Variants in GRM8 observed in about 807,000 individuals in gnomAD.
GRM8 encodes the protein metabotropic glutamate receptor 8.
Under a neutral mutation model 87.2 loss-of-function variants are expected in GRM8, and 47 were observed. The observed-to-expected ratio is 0.54, with a 90% CI of 0.43 to 0.69. The LOEUF (loss-of-function observed/expected upper bound fraction) is 0.69, where lower values mean the gene tolerates loss of function less well. GRM8 is among the 30% of genes least tolerant of loss of function. GRM8 has a pLI of 0.00. For missense variants in GRM8, 1,019 were observed against 1,139.2 expected, an observed-to-expected ratio of 0.89 and a Z score of 1.52; for synonymous variants, 396 against 404.5, an observed-to-expected ratio of 0.98 and a Z score of 0.25.
chr7:126,910,420 A>G (rs1297596236), intron 3 of GRM8, among the ~76,000 whole-genome samples: 2 of 152,184 alleles, frequency 1.3e-5, no homozygotes, highest in Non-Finnish European at 2.9e-5. Flanking sequence ...TTGAATGAAT[A>G]AATGCAAGAC....
intron 3 of GRM8, among the ~76,000 whole-genome samples, chr7:127,087,654 A>T (rs868337131): frequency 6.6e-6 from 1 of 152,232 alleles, no homozygotes; most frequent in Non-Finnish European, 1.5e-5. Flanking sequence ...GTCAAGCAAG[A>T]TGAATAAGCT....
chr7:126,515,376 T>C (rs1334831983), intron 9 of GRM8, among the ~76,000 whole-genome samples: 1 of 152,144 alleles, frequency 6.6e-6, no homozygotes, highest in African/African-American at 2.4e-5. Context: ...TAAGGGATTG[T>C]ATGTCATGTC....
At chr7:126,452,817 G>T (rs2150490086) in intron 9 of GRM8, among the ~76,000 whole-genome samples, 1 of 151,798 alleles carries the variant, frequency 6.6e-6, no homozygotes, top group Non-Finnish European at 1.5e-5. Context: ...CAAGTTAACT[G>T]TATAACTGAG....
chr7:127,034,049 T>C (rs886860848), intron 3 of GRM8, among the ~76,000 whole-genome samples: 3 of 152,194 alleles, frequency 2.0e-5, no homozygotes, highest in Non-Finnish European at 4.4e-5. Context: ...TGTTTCTTTA[T>C]CCTGTTTATC....
At chr7:127,027,175 T>C (rs1473556017) in intron 3 of GRM8, among the ~76,000 whole-genome samples, 2 of 152,154 alleles carry the variant, frequency 1.3e-5, no homozygotes, top group Non-Finnish European at 2.9e-5. Flanking sequence ...GAGGACTTTG[T>C]TCTGTCCCAT....
Position 126,567,821 on chromosome 7 carries a change from C to T in GRM8, c.1495-33934G>A, listed in dbSNP as rs186693868. Among the ~76,000 whole-genome samples, 3 of 152,178 alleles carry T rather than the reference C, an allele frequency of 2.0e-5. No individual in the cohort carries two copies. The East Asian group carries it at 5.8e-4, about 29-fold the overall frequency. On this transcript the variant is annotated intron_variant, in intron 8 of 10. Transcript: ENST00000339582. ...AGAAAGAGACTATCAACCCTGGACC[C>T]ACCATCATCCTTGCCCATGAGTCCT...
At position 127,040,076 on chromosome 7, in the gene GRM8, TGG is replaced by T. The variant is rs1563442089; in HGVS notation, c.727+66418_727+66419del. On this transcript the variant is annotated intron_variant, in intron 3 of 10. Transcript: ENST00000339582. Reference sequence around the variant, plus strand: ...GGAGGAGGGAAGAAGGGGAGATGGGTGGGGGAGGAGGGAGGGGAGGAGGGAAG... The same window carrying T: ...GGAGGAGGGAAGAAGGGGAGATGGGTGGGAGGAGGGAGGGGAGGAGGGAAG... Among the ~76,000 whole-genome samples, 2 of 2,284 alleles carry T rather than the reference TGG, an allele frequency of 8.8e-4. 1 individual carries two copies. Among genetic ancestry groups the T allele is most frequent in the Non-Finnish European group, 1.5e-3 (2 of 1,316 alleles). 1.5% of individuals were successfully genotyped at this position (2,284 alleles called of 152,430 possible). A position where few individuals can be genotyped will look rare whatever the true frequency, so the allele number is the denominator to read the frequency against.
Position 127,085,623 on chromosome 7 carries a change from A to C in GRM8, c.727+20873T>G, listed in dbSNP as rs150715188. ...TAAATGTGTTCTTTTGAGAAGTGTC[A>C]GTTCGTATCCTTTACCCACGTTTTG... On this transcript the variant is annotated intron_variant, in intron 3 of 10. Transcript: ENST00000339582. 1.7e-4 allele frequency among the ~76,000 whole-genome samples: 26 copies of C among 152,294 alleles called. No homozygotes were observed. In the East Asian group the frequency reaches 5.0e-3, roughly 29 times the overall value.
At chr7:126,495,937 A>G (rs989964188) in intron 9 of GRM8, among the ~76,000 whole-genome samples, 2 of 152,024 alleles carry the variant, frequency 1.3e-5, no homozygotes, top group African/African-American at 4.8e-5. Context: ...AACTGTTGGT[A>G]GATTCAAACA....
At chr7:127,132,527 A>T (rs1827742201) in intron 2 of GRM8, among the ~76,000 whole-genome samples, 1 of 152,072 alleles carries the variant, frequency 6.6e-6, no homozygotes, top group Admixed American at 6.6e-5. Context: ...CTAGTAGGTG[A>T]TACAGACAAC....
In GRM8 at chr7:126,699,552, T is replaced by C. The variant is rs188276051; in HGVS notation, c.1357+70313A>G. ...GCTAAATAAAAAAGCAGTTCATACA[T>C]TATTTTTATCACCTTCCTCTTCTAT... On this transcript the variant is annotated intron_variant, in intron 7 of 10. Coordinates refer to ENST00000339582, the MANE Select transcript of GRM8 (RefSeq NM_000845.3). Among the ~76,000 whole-genome samples the C allele has an allele frequency of 5.9e-5, 9 of 152,312 alleles. 1 individual carries two copies. The highest frequency in any genetic ancestry group is 2.6e-4 in the Admixed American group (4 of 15,298).
intron 2 of GRM8, among the ~76,000 whole-genome samples, chr7:127,129,179 T>C (rs1183392275): frequency 6.6e-6 from 1 of 152,198 alleles, no homozygotes; most frequent in Non-Finnish European, 1.5e-5. Flanking sequence ...ATTCATATCC[T>C]AACATTTTTA....
chr7:126,575,696 T>C (rs946926316), intron 8 of GRM8, among the ~76,000 whole-genome samples: 1 of 152,156 alleles, frequency 6.6e-6, no homozygotes, highest in Admixed American at 6.6e-5. Flanking sequence ...TTATCCTTGT[T>C]TACATACACA....
intron 7 of GRM8, among the ~76,000 whole-genome samples, chr7:126,636,803 T>C (rs899799438): frequency 3.3e-5 from 5 of 152,106 alleles, no homozygotes; most frequent in African/African-American, 1.2e-4. Flanking sequence ...AGCACAGTAA[T>C]TGAAAGTGCC....
intron 3 of GRM8, among the ~76,000 whole-genome samples, chr7:126,966,324 G>A (rs906871064): frequency 6.6e-6 from 1 of 151,996 alleles, no homozygotes; most frequent in African/African-American, 2.4e-5. Context: ...TAGTAGAGAT[G>A]GGGCCTCACT....
chr7:126,465,344 G>T (rs1027972358), intron 9 of GRM8: 3 of 77,914 alleles, frequency 3.9e-5, no homozygotes, highest in Non-Finnish European at 6.1e-5. Context: ...GCCAGTTTTC[G>T]ATACACACAC....
At chr7:126,666,861 T>C (rs561603347) in intron 7 of GRM8, among the ~76,000 whole-genome samples, 1 of 152,338 alleles carries the variant, frequency 6.6e-6, no homozygotes, top group Non-Finnish European at 1.5e-5. Context: ...GTTGTACATA[T>C]AATTTGCTGT....
intron 2 of GRM8, among the ~76,000 whole-genome samples, chr7:127,137,050 G>A (rs879685531): frequency 5.3e-5 from 8 of 152,012 alleles, no homozygotes; most frequent in Non-Finnish European, 1.0e-4. Context: ...TAGGTTTTAC[G>A]GTCATTCAGA....
intron 1 of GRM8, among the ~76,000 whole-genome samples, chr7:127,245,857 T>C (rs7776557): frequency 0.26 from 38,891 of 152,030 alleles, 5,458 homozygotes; most frequent in Middle Eastern, 0.4. Context: ...AGCTTGCTTT[T>C]CTTGTCTGTA....
Sources: allele counts gnomAD v4.1 joint callset (sites outside exome capture counted in the v4.1 genomes callset), GRCh38; gene constraint gnomAD v4.1.1; transcripts MANE v1.5; gene names NCBI Gene and HGNC (gene_info 2026-07-23, HGNC 2026-07-21).